DYNC2I1: variants seen among roughly 807,000 people sequenced by gnomAD.
DYNC2I1 encodes the protein dynein 2 intermediate chain 1.
A neutral mutation model predicts 133.4 loss-of-function variants in DYNC2I1; 89 were observed. The ratio of observed to expected loss-of-function variants is 0.67; its 90% CI spans 0.56 to 0.80. The LOEUF is 0.80. Among genes scored for constraint, DYNC2I1 ranks in the 30% least tolerant of loss-of-function variants. DYNC2I1 has a pLI of 0.00. For missense variants in DYNC2I1, 1,291 were observed against 1,314.5 expected (o/e 0.98, Z 0.28); for synonymous variants, 504 against 484.3 (o/e 1.04, Z -0.54).
At chr7:158,894,033 A>G (rs1367562731) in intron 8 of DYNC2I1, among the ~76,000 whole-genome samples, 1 of 147,060 alleles carries the variant, frequency 6.8e-6, no homozygotes, top group African/African-American at 2.5e-5. Context: ...CCTACCACAT[A>G]TCATACCACA....
intron 1 of DYNC2I1, among the ~76,000 whole-genome samples, chr7:158,865,246 C>G (rs767436026): frequency 2.0e-5 from 3 of 152,182 alleles, no homozygotes; most frequent in Non-Finnish European, 2.9e-5. Context: ...CCTTGGATTT[C>G]AGGATGAGAT....
At chr7:158,862,947 A>G (rs1029757462) in intron 1 of DYNC2I1, among the ~76,000 whole-genome samples, 2 of 150,714 alleles carry the variant, frequency 1.3e-5, no homozygotes, top group East Asian at 1.9e-4. Context: ...CGGTGGGTTC[A>G]TGGTCTCGCT....
At chr7:158,884,733 T>C in intron 6 of DYNC2I1, 114 bp downstream of exon 6, 1 of 1,010,484 alleles carries the variant, frequency 9.9e-7, no homozygotes, top group Non-Finnish European at 1.4e-6. Context: ...CAGTTATAGA[T>C]ATACTTCATT....
chr7:158,922,706 G>A (rs1229658547), intron 16 of DYNC2I1, among the ~76,000 whole-genome samples, 157 bp downstream of exon 16: 1 of 152,184 alleles, frequency 6.6e-6, no homozygotes, highest in Non-Finnish European at 1.5e-5. Flanking sequence ...GGCCTCAGCT[G>A]TGCTGTGGGT....
chr7:158,911,207 T>C (rs1847433401), intron 11 of DYNC2I1, among the ~76,000 whole-genome samples: 1 of 152,330 alleles, frequency 6.6e-6, no homozygotes, highest in South Asian at 2.1e-4. Context: ...TGAAGTCAAA[T>C]GAATTAGTCC....
At chr7:158,947,000 A>ACCCGAGCAACCGCCAGCCT (rs1261273685), downstream of DYNC2I1, among the ~76,000 whole-genome samples, 18 of 152,298 alleles carry the variant, frequency 1.2e-4, no homozygotes, top group African/African-American at 4.1e-4. Context: ...CTCTCCAGCC[A>ACCCGAGCAACCGCCAGCCT]CCCGAGCAAC....
At chr7:158,893,629 A>T (rs932185580) in intron 8 of DYNC2I1, among the ~76,000 whole-genome samples, 5 of 152,108 alleles carry the variant, frequency 3.3e-5, no homozygotes, top group African/African-American at 9.7e-5. Context: ...GCATCATAAC[A>T]GTATTGTACC....
chr7:158,841,203 A>G, the DYNC2I1 span, among the ~76,000 whole-genome samples: 2 of 35,632 alleles, frequency 5.6e-5, 1 homozygote, highest in East Asian at 3.0e-3. Context: ...ATATATATAT[A>G]TATATATATA....
intron 1 of DYNC2I1, among the ~76,000 whole-genome samples, chr7:158,868,356 A>C (rs1411893252): frequency 6.6e-6 from 1 of 152,218 alleles, no homozygotes; most frequent in Non-Finnish European, 1.5e-5. Flanking sequence ...CATGCTAAGC[A>C]GTGCTGGGTG....
chr7:158,906,782 G>A (rs188674933), intron 11 of DYNC2I1, among the ~76,000 whole-genome samples: 1 of 152,238 alleles, frequency 6.6e-6, no homozygotes, highest in East Asian at 1.9e-4. Context: ...TTTAAAAGTG[G>A]ATTTAAAATC....
intron 1 of DYNC2I1, among the ~76,000 whole-genome samples, chr7:158,857,791 CTTTT>C (rs369240011): frequency 0.19 from 25,432 of 133,454 alleles, 3,134 homozygotes; most frequent in East Asian, 0.61. Flanking sequence ...TGCACCCGGC[CTTTT>C]TTTTTTTTTT....
At chr7:158,934,774 G>C (rs1026243981) in intron 23 of DYNC2I1, among the ~76,000 whole-genome samples, 8 of 152,060 alleles carry the variant, frequency 5.3e-5, no homozygotes, top group African/African-American at 1.9e-4. Context: ...TTTTTTTGTA[G>C]AGACGAGGTC....
chr7:158,905,712 G>C (rs1285983325), intron 10 of DYNC2I1, among the ~76,000 whole-genome samples: 1 of 152,122 alleles, frequency 6.6e-6, no homozygotes, highest in African/African-American at 2.4e-5. Flanking sequence ...GCTTAGAACT[G>C]CATCTTTTGT....
At chr7:158,870,626 G>A (rs527681328) in intron 2 of DYNC2I1, among the ~76,000 whole-genome samples, 1 of 152,218 alleles carries the variant, frequency 6.6e-6, no homozygotes, top group East Asian at 1.9e-4. Context: ...TCCTGCCTTA[G>A]CCTCCCAAAG....
At chr7:158,859,585 C>T (rs546226871) in intron 1 of DYNC2I1, among the ~76,000 whole-genome samples, 6 of 152,256 alleles carry the variant, frequency 3.9e-5, no homozygotes, top group South Asian at 4.1e-4. Context: ...TCACTGCAAC[C>T]GCCACCTCCC....
intron 1 of DYNC2I1, among the ~76,000 whole-genome samples, chr7:158,857,769 T>A (rs1039665118): frequency 1.4e-5 from 2 of 139,472 alleles, no homozygotes; most frequent in Non-Finnish European, 3.0e-5. Flanking sequence ...ATCTCCTGAC[T>A]TCGTGAGCCA....
chr7:158,901,129 G>C (rs757754942), intron 8 of DYNC2I1, among the ~76,000 whole-genome samples: 3 of 152,076 alleles, frequency 2.0e-5, no homozygotes, highest in Non-Finnish European at 4.4e-5. Context: ...ATTGTGCAGT[G>C]GCGCGATCTT....
intron 4 of DYNC2I1, among the ~76,000 whole-genome samples, chr7:158,954,582 A>G (rs997811141): frequency 7.2e-5 from 11 of 152,226 alleles, no homozygotes; most frequent in African/African-American, 2.7e-4. Context: ...CAGGAGGTGG[A>G]GCTTGCAGTG....
At chr7:158,930,964 G>A (rs777941803) in intron 21 of DYNC2I1, among the ~76,000 whole-genome samples, 5 of 152,116 alleles carry the variant, frequency 3.3e-5, no homozygotes, top group African/African-American at 9.7e-5. Context: ...CCCCACGCCC[G>A]GCCTTGTTAG....
Sources: allele counts gnomAD v4.1 joint callset (sites outside exome capture counted in the v4.1 genomes callset), GRCh38; gene constraint gnomAD v4.1.1; transcripts MANE v1.5; gene names NCBI Gene and HGNC (gene_info 2026-07-23, HGNC 2026-07-21).